EPB41L4B: variants seen among roughly 807,000 people sequenced by gnomAD.
EPB41L4B encodes band 4.1-like protein 4B.
EPB41L4B carries 30 observed loss-of-function variants against 112.5 expected under a neutral mutation model. The ratio of observed to expected loss-of-function variants is 0.27; its 90% CI spans 0.20 to 0.36. The LOEUF is 0.36. Among genes scored for constraint, EPB41L4B ranks in the 10% least tolerant of loss-of-function variants. The pLI is 1.00. For synonymous variants in EPB41L4B, 408 were observed against 439.7 expected, an observed-to-expected ratio of 0.93 and a Z score of 0.90; for missense variants, 1,024 against 1,133.3, an observed-to-expected ratio of 0.90 and a Z score of 1.38.
In EPB41L4B at chr9:109,174,506, G is replaced by T; in HGVS notation, c.*48C>A. The T allele has an allele frequency of 6.5e-7, 1 of 1,535,018 alleles. No homozygotes were observed. The highest frequency in any genetic ancestry group is 9.0e-7 in the Non-Finnish European group (1 of 1,107,864). ...GAGCACACAAAGCCCGAAGAAAGAA[G>T]ACGGACAGAAGGCACCATGCCATCT... On this transcript the variant is annotated 3_prime_UTR_variant, in exon 26 of 26. Coordinates refer to ENST00000374566, the MANE Select transcript of EPB41L4B (RefSeq NM_019114.5).
At chr9:109,320,101 G>A in intron 1 of EPB41L4B, 40 bp downstream of exon 1, 1 of 1,387,316 alleles carries the variant, frequency 7.2e-7, no homozygotes, top group Non-Finnish European at 9.4e-7. Flanking sequence ...GCCTCCAGGG[G>A]CGCGAGGTGC....
At chr9:109,191,653 G>A (rs773230641) in intron 22 of EPB41L4B, among the ~76,000 whole-genome samples, 1 of 152,054 alleles carries the variant, frequency 6.6e-6, no homozygotes, top group Non-Finnish European at 1.5e-5. Context: ...AAATCTACAA[G>A]CTGGACCTGC....
intron 15 of EPB41L4B, chr9:109,240,513 A>G: frequency 4.1e-6 from 4 of 985,386 alleles, no homozygotes; most frequent in Non-Finnish European, 4.8e-6. Flanking sequence ...AACTGATTTC[A>G]CAGAAATACT....
At chr9:109,204,819 A>G (rs893703629) in intron 18 of EPB41L4B, among the ~76,000 whole-genome samples, 1 of 152,152 alleles carries the variant, frequency 6.6e-6, no homozygotes, top group African/African-American at 2.4e-5. Flanking sequence ...AGAGTTAGCA[A>G]CAGATAGTAC....
At chr9:109,239,841 G>A in intron 15 of EPB41L4B, 3 of 985,382 alleles carry the variant, frequency 3.0e-6, no homozygotes, top group Non-Finnish European at 2.4e-6. Context: ...AAGTAGCCAG[G>A]ACAAACACGT....
chr9:109,203,440 T>G (rs1832898873), intron 19 of EPB41L4B, among the ~76,000 whole-genome samples: 1 of 152,214 alleles, frequency 6.6e-6, no homozygotes, highest in African/African-American at 2.4e-5. Context: ...ATTGATTTCT[T>G]TGTTAATGCA....
rs188791052 is a variant in EPB41L4B at position 109,272,173 on chromosome 9, T to C, written c.412-3740A>G. On this transcript the variant is annotated intron_variant, in intron 2 of 25. Coordinates refer to ENST00000374566, the MANE Select transcript of EPB41L4B (RefSeq NM_019114.5). ...ATTTTCTTGGCTTATGAAGAGTATC[T>C]GAGTCAGGCATGGTGGCTCACACCT... Among the ~76,000 whole-genome samples the C allele has an allele frequency of 3.9e-5, 6 of 152,282 alleles. No individual in the cohort carries two copies. In the East Asian group the frequency reaches 1.2e-3, roughly 29 times the overall value.
intron 6 of EPB41L4B, among the ~76,000 whole-genome samples, chr9:109,262,390 C>A (rs1045495836): frequency 6.6e-6 from 1 of 151,960 alleles, no homozygotes; most frequent in Non-Finnish European, 1.5e-5. Context: ...CCCTCAACAC[C>A]TAAGTCTAAT....
intron 24 of EPB41L4B, among the ~76,000 whole-genome samples, chr9:109,179,556 T>A (rs536565559): frequency 6.6e-6 from 1 of 152,310 alleles, no homozygotes; most frequent in East Asian, 1.9e-4. Context: ...GATTTCCAAC[T>A]GCCCATTCAT....
intron 22 of EPB41L4B, among the ~76,000 whole-genome samples, chr9:109,186,256 C>T (rs1340260247): frequency 6.6e-6 from 1 of 151,768 alleles, no homozygotes; most frequent in Non-Finnish European, 1.5e-5. Flanking sequence ...GTCATGATCT[C>T]AGCTCACTGC....
intron 1 of EPB41L4B, among the ~76,000 whole-genome samples, chr9:109,291,128 A>G (rs1300572027): frequency 1.3e-5 from 2 of 152,126 alleles, no homozygotes; most frequent in East Asian, 3.9e-4. Flanking sequence ...GCCTCAGGGA[A>G]ATTACATCAT....
intron 15 of EPB41L4B, among the ~76,000 whole-genome samples, chr9:109,236,283 C>CACTTAA (rs1834138626): frequency 6.6e-6 from 1 of 152,124 alleles, no homozygotes; most frequent in Admixed American, 6.5e-5. Context: ...AAATTAAAGC[C>CACTTAA]ATATAAAGAA....
At chr9:109,269,821 C>G (rs1835545965) in intron 2 of EPB41L4B, among the ~76,000 whole-genome samples, 1 of 152,120 alleles carries the variant, frequency 6.6e-6, no homozygotes, top group Non-Finnish European at 1.5e-5. Flanking sequence ...TCTGCACAGT[C>G]TAATAACAAG....
In EPB41L4B at chr9:109,320,038, C is replaced by T. The variant is rs1009500277; in HGVS notation, c.306+103G>A. The T allele has an allele frequency of 2.1e-5, 20 of 953,730 alleles. No individual in the cohort carries two copies. In the African/African-American group the frequency reaches 3.5e-4, roughly 17 times the overall value. 59.1% of individuals were successfully genotyped at this position (953,730 alleles called of 1,614,324 possible). A position where few individuals can be genotyped will look rare whatever the true frequency, so the allele number is the denominator to read the frequency against. ...AGAAGAGGATGGGGGAGGGGATCCC[C>T]AGGGAGGTGCAAGGGAAGCGCCCCC... On this transcript the variant is annotated intron_variant, in intron 1 of 25. Coordinates refer to ENST00000374566, the MANE Select transcript of EPB41L4B (RefSeq NM_019114.5).
At chr9:109,240,655 C>T (rs1458480965) in intron 15 of EPB41L4B, 3 of 985,418 alleles carry the variant, frequency 3.0e-6, no homozygotes, top group Non-Finnish European at 3.6e-6. Flanking sequence ...TACCAACAGA[C>T]TAGGGCAACA....
chr9:109,302,871 C>T (rs1251149777), intron 1 of EPB41L4B, among the ~76,000 whole-genome samples: 1 of 152,048 alleles, frequency 6.6e-6, no homozygotes, highest in Non-Finnish European at 1.5e-5. Flanking sequence ...AGCTTTTCCT[C>T]AAACATAAGA....
intron 11 of EPB41L4B, among the ~76,000 whole-genome samples, chr9:109,254,097 A>G (rs2119019464): frequency 6.6e-6 from 1 of 152,196 alleles, no homozygotes; most frequent in African/African-American, 2.4e-5. Context: ...CTTAGTCACC[A>G]TTTGTCACCT....
chr9:109,255,896 A>G lies in EPB41L4B; in HGVS notation c.930-53T>C. ...CACAATCTGCAGTAAAACTATCTAC[A>G]CATCAAATAGCAGTTTCCTTTCTAC... On this transcript the variant is annotated intron_variant, in intron 9 of 25. Transcript: ENST00000374566. 3 of 1,488,812 alleles carry G rather than the reference A, an allele frequency of 2.0e-6. No homozygotes were observed. In the South Asian group the frequency reaches 3.6e-5, roughly 18 times the overall value. The allele number at this position is 1,488,812 out of a possible 1,614,324, so 92.2% of individuals were successfully genotyped here.
At chr9:109,292,536 G>A (rs1836571162) in intron 1 of EPB41L4B, among the ~76,000 whole-genome samples, 2 of 152,216 alleles carry the variant, frequency 1.3e-5, no homozygotes, top group African/African-American at 4.8e-5. Flanking sequence ...ATGGGAGGCA[G>A]GAGATACCCT....
Sources: gnomAD v4.1 joint callset for allele counts (sites outside exome capture counted in the v4.1 genomes callset) on GRCh38, gnomAD v4.1.1 for gene constraint, MANE v1.5 for transcripts, NCBI Gene and HGNC (gene_info 2026-07-23, HGNC 2026-07-21) for gene names.